CRTC3: variants seen among roughly 807,000 people sequenced by gnomAD.
CRTC3 encodes the protein CREB regulated transcription coactivator 3.
CRTC3 carries 26 observed loss-of-function variants against 74.5 expected under a neutral mutation model. The observed-to-expected ratio is 0.35, with a 90% CI of 0.26 to 0.48. The LOEUF is 0.48. Ranked by LOEUF, CRTC3 falls within the 20% of genes least tolerant of loss-of-function variation. The pLI is 0.99. For synonymous variants in CRTC3, 377 were observed against 325.8 expected, an observed-to-expected ratio of 1.16 and a Z score of -1.69; for missense variants, 760 against 787.3, an observed-to-expected ratio of 0.97 and a Z score of 0.41.
chr15:90,543,446 A>C (rs959450543), intron 2 of CRTC3, among the ~76,000 whole-genome samples: 8 of 151,758 alleles, frequency 5.3e-5, no homozygotes, highest in Non-Finnish European at 4.4e-5. Context: ...TTCATTTTTT[A>C]TCTCTCGGTA....
intron 2 of CRTC3, among the ~76,000 whole-genome samples, chr15:90,573,553 AT>A (rs34392473): frequency 0.64 from 96,576 of 150,508 alleles, 31,686 homozygotes; most frequent in East Asian, 0.74. Flanking sequence ...GAGGGTTCCC[AT>A]TTTTTTTTTC....
chr15:90,607,478 G>T lies in CRTC3; in HGVS notation c.577G>T (p.Gly193Cys). Residue 193 changes from glycine (G) to cysteine (C), a missense_variant and splice_region_variant, in exon 6 of 15, where the codon GGT (glycine) becomes TGT (cysteine). Gly to Cys is a radical substitution (Grantham distance 159). Transcript: ENST00000268184. The stretch of plus-strand genomic sequence containing the variant: ...GTCGGCCTGGCCTGCCCCATACATG[G>T]GTAAGACACACAGGCCACTGCTGAC... Reference protein sequence around the residue: ...GQSAWPAPYMGFCDGENNGHG... With the variant: ...GQSAWPAPYMCFCDGENNGHG... The T allele has an allele frequency of 6.3e-7, 1 of 1,576,868 alleles. No individual in the cohort carries two copies. The highest frequency in any genetic ancestry group is 1.1e-5 in the South Asian group (1 of 89,732).
intron 6 of CRTC3, among the ~76,000 whole-genome samples, chr15:90,612,212 G>C (rs1276242329): frequency 6.6e-6 from 1 of 152,064 alleles, no homozygotes; most frequent in East Asian, 1.9e-4. Context: ...ACACGGGCCA[G>C]AGTTCTAGTC....
At position 90,629,434 on chromosome 15, in the gene CRTC3, G is replaced by A. The variant is rs200377837; in HGVS notation, c.1168G>A (p.Val390Ile). Reference sequence around the variant, plus strand: ...CCCGTCTCGGCGTCGGCAGCCTCCCGTCAGCCCTCTCACGCTTTCTCCTGG... The same window carrying A: ...CCCGTCTCGGCGTCGGCAGCCTCCCATCAGCCCTCTCACGCTTTCTCCTGG... ...SGPSRRRQPPVSPLTLSPGPE... is the reference protein window; with the variant it reads ...SGPSRRRQPPISPLTLSPGPE... The change falls in exon 11 of 15, where the codon GTC becomes ATC. Residue 390 changes from valine (V) to isoleucine (I), a missense_variant. By Grantham distance (29) the Val-to-Ile change is conservative. Coordinates refer to ENST00000268184, the MANE Select transcript of CRTC3 (RefSeq NM_022769.5). 6.3e-5 allele frequency: 101 copies of A among 1,613,770 alleles called. No individual in the cohort carries two copies. Among genetic ancestry groups the A allele is most frequent in the African/African-American group, 5.6e-4 (42 of 74,838 alleles).
intron 3 of CRTC3, among the ~76,000 whole-genome samples, chr15:90,600,809 TTG>T (rs1968049552): frequency 6.6e-6 from 1 of 152,252 alleles, no homozygotes; most frequent in Non-Finnish European, 1.5e-5. Context: ...AAAAGTATTA[TTG>T]GTAACTGCCG....
At chr15:90,603,048 G>T (rs1000949187) in intron 4 of CRTC3, among the ~76,000 whole-genome samples, 1 of 152,100 alleles carries the variant, frequency 6.6e-6, no homozygotes, top group Non-Finnish European at 1.5e-5. Context: ...GTTATTTAAA[G>T]AAATCTAGAT....
chr15:90,630,159 C>T (rs1317620886), intron 11 of CRTC3, among the ~76,000 whole-genome samples: 1 of 152,176 alleles, frequency 6.6e-6, no homozygotes, highest in East Asian at 1.9e-4. Context: ...GAATGCCATC[C>T]AGGTAAGTCT....
chr15:90,618,025 C>T (rs1199015719), intron 8 of CRTC3, 57 bp downstream of exon 8: 10 of 1,179,566 alleles, frequency 8.5e-6, no homozygotes, highest in Non-Finnish European at 1.3e-5. Flanking sequence ...ACTTAGAGGT[C>T]ATTGAAAAAT....
In CRTC3 at chr15:90,607,964, C is replaced by G. The variant is rs1338810041; in HGVS notation, c.577+486C>G. On this transcript the variant is annotated intron_variant, in intron 6 of 14. Coordinates refer to ENST00000268184, the MANE Select transcript of CRTC3 (RefSeq NM_022769.5). ...TTGGTGGGCCTGCTGAGACTGAACCCCAGCATGAGGCTGACTCCCCCTGAG... is the reference window on the plus strand; with the variant it reads ...TTGGTGGGCCTGCTGAGACTGAACCGCAGCATGAGGCTGACTCCCCCTGAG... Among the ~76,000 whole-genome samples, 4 of 152,304 alleles carry G rather than the reference C, an allele frequency of 2.6e-5. No individual in the cohort carries two copies. The South Asian group carries it at 8.3e-4, about 32-fold the overall frequency.
At chr15:90,619,299 AT>A (rs1184539857) in intron 8 of CRTC3, among the ~76,000 whole-genome samples, 3 of 152,172 alleles carry the variant, frequency 2.0e-5, no homozygotes, top group African/African-American at 7.2e-5. Context: ...TCTACTAAAA[AT>A]ACAAAAATTA....
At chr15:90,564,936 T>A in intron 2 of CRTC3, among the ~76,000 whole-genome samples, 1 of 149,438 alleles carries the variant, frequency 6.7e-6, no homozygotes, top group African/African-American at 2.5e-5. Flanking sequence ...CTTCCTTCCT[T>A]CCTTCCTTCC....
At chr15:90,641,284 ATAT>A (rs1969432151) in intron 14 of CRTC3, 85 bp downstream of exon 14, 7 of 946,608 alleles carry the variant, frequency 7.4e-6, no homozygotes, top group Non-Finnish European at 1.2e-5. Context: ...AAACAACATA[ATAT>A]TATATAAAGC....
chr15:90,535,502 G>A (rs757186323), intron 1 of CRTC3, among the ~76,000 whole-genome samples: 9 of 152,156 alleles, frequency 5.9e-5, no homozygotes, highest in Non-Finnish European at 7.4e-5. Context: ...GGAGTGGACG[G>A]GGGTGGGGAA....
intron 10 of CRTC3, 44 bp downstream of exon 10, chr15:90,626,037 G>A (rs142262387): frequency 6.7e-7 from 1 of 1,488,412 alleles, no homozygotes; most frequent in Non-Finnish European, 9.4e-7. Context: ...CTTAATCATA[G>A]GTGGTCCCCA....
chr15:90,539,884 G>A (rs1254448494), intron 1 of CRTC3, 155 bp from the exon 2 acceptor site: 1 of 631,494 alleles, frequency 1.6e-6, no homozygotes, highest in Non-Finnish European at 2.8e-6. Flanking sequence ...AACCCAGAAA[G>A]CACCGGAAAC....
At chr15:90,640,350 G>C (rs888393561) in intron 13 of CRTC3, among the ~76,000 whole-genome samples, 5 of 151,678 alleles carry the variant, frequency 3.3e-5, no homozygotes, top group Admixed American at 6.7e-5. Flanking sequence ...TCCTCCTTCT[G>C]AGTGTGAAAA....
intron 4 of CRTC3, among the ~76,000 whole-genome samples, chr15:90,603,362 G>T (rs909530157): frequency 1.3e-5 from 2 of 151,328 alleles, no homozygotes; most frequent in Admixed American, 6.6e-5. Context: ...AGAATGGCGT[G>T]AACCCAGGAG....
chr15:90,631,056 C>T lies in CRTC3; in HGVS notation c.1266+1524C>T, dbSNP rs534597196. ...CCTCCCAAAGTGCTGGGATTACAGGCGTGAGCCACCGCGCCCGGCCTATTA... is the reference window on the plus strand; with the variant it reads ...CCTCCCAAAGTGCTGGGATTACAGGTGTGAGCCACCGCGCCCGGCCTATTA... On this transcript the variant is annotated intron_variant, in intron 11 of 14. Transcript: ENST00000268184. 2.5e-3 allele frequency among the ~76,000 whole-genome samples: 369 copies of T among 145,354 alleles called. 114 individuals carry two copies. The highest frequency in any genetic ancestry group is 9.1e-3 in the African/African-American group (361 of 39,612).
chr15:90,636,043 T>C (rs974564586), intron 11 of CRTC3, among the ~76,000 whole-genome samples: 2 of 152,080 alleles, frequency 1.3e-5, no homozygotes, highest in African/African-American at 4.8e-5. Context: ...CTTCACAGAA[T>C]TGGAAAAAAC....
Sources: gnomAD v4.1 joint callset for allele counts (sites outside exome capture counted in the v4.1 genomes callset) on GRCh38, gnomAD v4.1.1 for gene constraint, MANE v1.5 for transcripts, NCBI Gene and HGNC (gene_info 2026-07-23, HGNC 2026-07-21) for gene names.